The following LRRC1 variants were observed in gnomAD, a reference collection of about 807,000 sequenced individuals.
LRRC1 encodes the protein leucine rich repeat containing 1.
A neutral mutation model predicts 69.9 loss-of-function variants in LRRC1; 28 were observed. The observed-to-expected ratio is 0.40, with a 90% CI of 0.30 to 0.55. The LOEUF (loss-of-function observed/expected upper bound fraction) is 0.55, where lower values mean the gene tolerates loss of function less well. Ranked by LOEUF, LRRC1 falls within the 20% of genes least tolerant of loss-of-function variation. The probability of loss-of-function intolerance (pLI) is 0.47; values close to 1 mark genes in which losing one functional copy is unlikely to be tolerated. For missense variants in LRRC1, 498 were observed against 609.0 expected (o/e 0.82, Z 1.92); for synonymous variants, 236 against 240.2 (o/e 0.98, Z 0.16).
At position 53,896,741 on chromosome 6, in the gene LRRC1, T is replaced by C; in HGVS notation, c.504-88T>C. On this transcript the variant is annotated intron_variant, in intron 5 of 13. Transcript: ENST00000370888. The stretch of plus-strand genomic sequence containing the variant: ...ACCATAAAAATAAAAATGGACCTTA[T>C]TTTTGAAGCTAGTCCAAGTGAGGGA... 3 of 1,008,704 alleles carry C rather than the reference T, an allele frequency of 3.0e-6. No homozygotes were observed. The South Asian group carries it at 4.2e-5, about 14-fold the overall frequency. The allele number at this position is 1,008,704 out of a possible 1,614,324, so 62.5% of individuals were successfully genotyped here.
rs143116871 is a variant in LRRC1 at position 53,824,579 on chromosome 6, T to C, written c.160-17531T>C. On this transcript the variant is annotated intron_variant, in intron 1 of 13. Transcript: ENST00000370888. ...TCTTTGCCTGTTCCTGTGTCCACAA[T>C]GGTATTGCCAAGGTTGTCTTCCAGT... 1.1e-3 allele frequency among the ~76,000 whole-genome samples: 167 copies of C among 152,332 alleles called. 1 individual carries two copies. Among genetic ancestry groups the C allele is most frequent in the Non-Finnish European group, 2.2e-3 (147 of 68,030 alleles).
chr6:53,828,386 G>A (rs1052978161), intron 1 of LRRC1, among the ~76,000 whole-genome samples: 20 of 152,222 alleles, frequency 1.3e-4, no homozygotes, highest in African/African-American at 4.8e-4. Flanking sequence ...TTCTGAGCCA[G>A]GCAGGCTGAT....
Position 53,897,229 on chromosome 6 carries a change from A to G in LRRC1, c.568-56A>G. ...ATGAATTCAGTTTCTTTCTTTCTTCAGGGAAGACTGAAAATTGAATCTTTG... is the reference window on the plus strand; with the variant it reads ...ATGAATTCAGTTTCTTTCTTTCTTCGGGGAAGACTGAAAATTGAATCTTTG... On this transcript the variant is annotated intron_variant, in intron 6 of 13. Transcript: ENST00000370888. 1.7e-6 allele frequency: 2 copies of G among 1,179,386 alleles called. 1 individual carries two copies. Among genetic ancestry groups the G allele is most frequent in the South Asian group, 2.6e-5 (2 of 77,870 alleles). 73.1% of individuals were successfully genotyped at this position (1,179,386 alleles called of 1,614,324 possible).
At chr6:53,916,622 T>C (rs1768573329) in intron 11 of LRRC1, among the ~76,000 whole-genome samples, 1 of 152,178 alleles carries the variant, frequency 6.6e-6, no homozygotes, top group Non-Finnish European at 1.5e-5. Context: ...TCACTTTAGA[T>C]ATTTTAGTAT....
intron 1 of LRRC1, among the ~76,000 whole-genome samples, chr6:53,797,651 T>A (rs944303455): frequency 2.6e-5 from 4 of 152,174 alleles, no homozygotes; most frequent in African/African-American, 9.7e-5. Context: ...CTCTCTATAA[T>A]TTGTTTGGAA....
At chr6:53,814,162 A>C (rs988921792) in intron 1 of LRRC1, among the ~76,000 whole-genome samples, 2 of 152,214 alleles carry the variant, frequency 1.3e-5, no homozygotes, top group African/African-American at 4.8e-5. Flanking sequence ...TACTTGGCTA[A>C]AGTAATGTGT....
At chr6:53,915,090 G>T (rs1768522695) in intron 11 of LRRC1, among the ~76,000 whole-genome samples, 1 of 152,186 alleles carries the variant, frequency 6.6e-6, no homozygotes, top group Non-Finnish European at 1.5e-5. Flanking sequence ...AATTGCTTTT[G>T]AGTGTGATGT....
chr6:53,855,822 C>T (rs1365162213), intron 2 of LRRC1, among the ~76,000 whole-genome samples: 2 of 152,196 alleles, frequency 1.3e-5, no homozygotes, highest in Non-Finnish European at 2.9e-5. Flanking sequence ...TGCATTATGT[C>T]GTTGGAGAAG....
intron 13 of LRRC1, among the ~76,000 whole-genome samples, chr6:53,921,648 G>A (rs896784647): frequency 9.9e-5 from 15 of 152,214 alleles, no homozygotes; most frequent in African/African-American, 3.6e-4. Context: ...CTTTCTAGCA[G>A]TTGACTTTGG....
At chr6:53,841,031 T>C (rs2127415906) in intron 1 of LRRC1, among the ~76,000 whole-genome samples, 1 of 152,216 alleles carries the variant, frequency 6.6e-6, no homozygotes, top group South Asian at 2.1e-4. Flanking sequence ...CTGAAGCTTC[T>C]TTATAGGAAG....
intron 1 of LRRC1, among the ~76,000 whole-genome samples, chr6:53,833,445 T>C (rs1765490276): frequency 6.6e-6 from 1 of 152,144 alleles, no homozygotes; most frequent in South Asian, 2.1e-4. Flanking sequence ...AACATTAAAA[T>C]ATACCAGCAA....
chr6:53,899,139 A>G (rs1425274831), intron 7 of LRRC1, among the ~76,000 whole-genome samples: 3 of 152,242 alleles, frequency 2.0e-5, no homozygotes, highest in Non-Finnish European at 4.4e-5. Flanking sequence ...AAGAAAAGGT[A>G]GGTCTTGAAT....
At chr6:53,865,502 T>C (rs1462238391) in intron 2 of LRRC1, among the ~76,000 whole-genome samples, 1 of 152,138 alleles carries the variant, frequency 6.6e-6, no homozygotes, top group African/African-American at 2.4e-5. Flanking sequence ...TAGGGTTCCC[T>C]CTGCCTCTGG....
intron 2 of LRRC1, among the ~76,000 whole-genome samples, chr6:53,874,436 CT>C (rs1195060097): frequency 6.6e-6 from 1 of 151,908 alleles, no homozygotes; most frequent in African/African-American, 2.4e-5. Flanking sequence ...TATGCTATTA[CT>C]TTCATAAATA....
intron 4 of LRRC1, chr6:53,883,920 A>G (rs1204551588): frequency 1.4e-6 from 1 of 717,708 alleles, no homozygotes; most frequent in Non-Finnish European, 2.6e-6. Context: ...ATTTGCAGAC[A>G]GCTTTTCCCT....
intron 2 of LRRC1, among the ~76,000 whole-genome samples, 168 bp from the exon 3 acceptor site, chr6:53,878,825 A>G (rs1335448934): frequency 6.6e-6 from 1 of 152,194 alleles, no homozygotes; most frequent in Non-Finnish European, 1.5e-5. Flanking sequence ...AATATAACTT[A>G]TATTAGGAAA....
intron 1 of LRRC1, among the ~76,000 whole-genome samples, chr6:53,821,772 A>AT (rs1159728567): frequency 6.6e-6 from 1 of 151,918 alleles, no homozygotes. Context: ...CTTTAAGGGA[A>AT]TTTTTTTTCA....
intron 1 of LRRC1, among the ~76,000 whole-genome samples, chr6:53,834,966 A>C (rs1765571436): frequency 6.6e-6 from 1 of 152,218 alleles, no homozygotes; most frequent in Admixed American, 6.5e-5. Flanking sequence ...CGTCTCAAAA[A>C]ATAATAATAA....
At chr6:53,841,492 A>T (rs1765788718) in intron 1 of LRRC1, among the ~76,000 whole-genome samples, 1 of 151,988 alleles carries the variant, frequency 6.6e-6, no homozygotes. Context: ...ATTTCACATT[A>T]TATTTATGTT....
Sources: allele counts gnomAD v4.1 joint callset (sites outside exome capture counted in the v4.1 genomes callset), GRCh38; gene constraint gnomAD v4.1.1; transcripts MANE v1.5; gene names NCBI Gene and HGNC (gene_info 2026-07-23, HGNC 2026-07-21).